The following CBX5 variants were observed in gnomAD, a reference collection of about 807,000 sequenced individuals.
The protein encoded by CBX5 is chromobox 5, also known as chromobox protein homolog 5.
CBX5 carries 7 observed loss-of-function variants against 20.7 expected under a neutral mutation model. The observed-to-expected ratio is 0.34, with a 90% CI of 0.19 to 0.63. The LOEUF is 0.63. CBX5 is among the 30% of genes least tolerant of loss of function. The pLI, the probability that CBX5 is intolerant of heterozygous loss-of-function variation, is 0.75. For missense variants in CBX5, 110 were observed against 224.1 expected (o/e 0.49, Z 3.25); for synonymous variants, 78 against 77.0 (o/e 1.01, Z -0.07).
At position 54,232,002 on chromosome 12, in the gene CBX5, T is replaced by C. The variant is rs951346880; in HGVS notation, c.*9753A>G. 18 of 152,064 alleles carry C rather than the reference T, an allele frequency of 1.2e-4. No homozygotes were observed. The highest frequency in any genetic ancestry group is 2.0e-4 in the Admixed American group (3 of 15,246). The allele number at this position is 152,064 out of a possible 1,614,324, so 9.4% of individuals were successfully genotyped here. The stretch of plus-strand genomic sequence containing the variant: ...TGACATAAATCAAAACCATTGAGGG[T>C]TGCTTTGATCCTGAGACAGTCTGAG... On this transcript the variant is annotated 3_prime_UTR_variant, in exon 5 of 5. Transcript: ENST00000209875.
At chr12:54,277,653 TTAA>T (rs1944083266) in intron 1 of CBX5, among the ~76,000 whole-genome samples, 1 of 152,174 alleles carries the variant, frequency 6.6e-6, no homozygotes. Flanking sequence ...GGTAAAAATT[TTAA>T]TAAAAATTTC....
chr12:54,270,069 T>C (rs879897626), intron 1 of CBX5, among the ~76,000 whole-genome samples: 14 of 152,240 alleles, frequency 9.2e-5, no homozygotes, highest in Admixed American at 2.6e-4. Context: ...ATTTTATTGA[T>C]CTTTTCAAAG....
At chr12:54,243,347 G>A (rs575370253) in intron 4 of CBX5, among the ~76,000 whole-genome samples, 2 of 151,536 alleles carry the variant, frequency 1.3e-5, no homozygotes, top group African/African-American at 4.8e-5. Context: ...AGGCCGAGGT[G>A]AGAAAAGCAC....
chr12:54,275,811 GC>G (rs965799542), intron 1 of CBX5, among the ~76,000 whole-genome samples: 2 of 151,790 alleles, frequency 1.3e-5, no homozygotes, highest in African/African-American at 4.8e-5. Flanking sequence ...TTTGAGGCCA[GC>G]CTAACCAACA....
At position 54,233,770 on chromosome 12, in the gene CBX5, C is replaced by T. The variant is rs1405222635; in HGVS notation, c.*7985G>A. 1 of 151,956 alleles carries T rather than the reference C, an allele frequency of 6.6e-6. No individual in the cohort carries two copies. Among genetic ancestry groups the T allele is most frequent in the Non-Finnish European group, 1.5e-5 (1 of 67,996 alleles). The allele number at this position is 151,956 out of a possible 1,614,324, so 9.4% of individuals were successfully genotyped here. ...ACACAGGGAGACTGTCTCTACAAAA[C>T]ATTTTTTAAATAATAAAATTAGCCA... On this transcript the variant is annotated 3_prime_UTR_variant, in exon 5 of 5. Transcript: ENST00000209875.
intron 2 of CBX5, chr12:54,256,042 G>A (rs1211471760): frequency 6.6e-6 from 1 of 152,126 alleles, no homozygotes; most frequent in Non-Finnish European, 1.5e-5. Context: ...GGGCATTTCT[G>A]AAAAAGGACC....
chr12:54,274,193 G>A (rs1337534977), intron 1 of CBX5: 1 of 152,234 alleles, frequency 6.6e-6, no homozygotes, highest in Non-Finnish European at 1.5e-5. Context: ...TCCAGCACAA[G>A]TGTAAAGCTG....
At chr12:54,252,334 G>C in intron 2 of CBX5, 107 bp from the exon 3 acceptor site, 1 of 607,180 alleles carries the variant, frequency 1.6e-6, no homozygotes, top group Non-Finnish European at 2.6e-6. Flanking sequence ...AAAGGACAGA[G>C]AAACCCTATG....
intron 3 of CBX5, 40 bp from the exon 4 acceptor site, chr12:54,246,255 A>G: frequency 6.9e-7 from 1 of 1,444,874 alleles, no homozygotes; most frequent in Non-Finnish European, 9.7e-7. Flanking sequence ...GCTTGTGGAA[A>G]GAGTAAAGAA....
At position 54,239,162 on chromosome 12, in the gene CBX5, C is replaced by T. The variant is rs776495552; in HGVS notation, c.*2593G>A. 1.3e-4 allele frequency: 20 copies of T among 151,980 alleles called. No homozygotes were observed. Among genetic ancestry groups the T allele is most frequent in the South Asian group, 4.2e-4 (2 of 4,818 alleles). 9.4% of individuals were successfully genotyped at this position (151,980 alleles called of 1,614,324 possible). On this transcript the variant is annotated 3_prime_UTR_variant, in exon 5 of 5. Transcript: ENST00000209875. Reference sequence around the variant, plus strand: ...TTTGGCGGCACTCAGTACAATAAACCGAAGACAAAAAAGACAGAGTAAAGT... The same window carrying T: ...TTTGGCGGCACTCAGTACAATAAACTGAAGACAAAAAAGACAGAGTAAAGT...
chr12:54,241,984 T>C (rs1267576240), intron 4 of CBX5, 79 bp from the exon 5 acceptor site: 5 of 1,363,168 alleles, frequency 3.7e-6, no homozygotes, highest in African/African-American at 1.5e-5. Context: ...TGTCATTATA[T>C]GGATTTAGTT....
chr12:54,262,877 A>G (rs1014876007), intron 1 of CBX5: 7 of 152,258 alleles, frequency 4.6e-5, no homozygotes, highest in African/African-American at 1.7e-4. Flanking sequence ...ACCATGACAG[A>G]GGAAAAGAAG....
In CBX5 at chr12:54,265,033, A is replaced by C. The variant is rs192109637; in HGVS notation, c.-42-7341T>G. Among the ~76,000 whole-genome samples, 7 of 152,304 alleles carry C rather than the reference A, an allele frequency of 4.6e-5. No homozygotes were observed. In the East Asian group the frequency reaches 1.4e-3, roughly 29 times the overall value. On this transcript the variant is annotated intron_variant, in intron 1 of 4. Transcript: ENST00000209875. ...CCTTTAGGAAGTAAGCCAGGGTTAA[A>C]GAGCAGAGGAGAGCGCATATGCAAA...
chr12:54,274,793 A>T (rs961399151), intron 1 of CBX5, among the ~76,000 whole-genome samples: 2 of 152,070 alleles, frequency 1.3e-5, no homozygotes, highest in African/African-American at 4.8e-5. Flanking sequence ...CAAAAAAATT[A>T]GCCAGGCATG....
intron 1 of CBX5, chr12:54,277,203 T>C (rs997244503): frequency 2.6e-5 from 4 of 151,716 alleles, no homozygotes; most frequent in African/African-American, 9.7e-5. Flanking sequence ...TGGCTAATTA[T>C]TGTGGGTTTT....
intron 4 of CBX5, among the ~76,000 whole-genome samples, chr12:54,245,530 G>A (rs1321521252): frequency 2.0e-5 from 3 of 151,954 alleles, no homozygotes; most frequent in East Asian, 1.9e-4. Context: ...AGTGGCTCAC[G>A]CCTGTAATCC....
intron 4 of CBX5, 38 bp from the exon 5 acceptor site, chr12:54,241,943 G>A: frequency 3.8e-6 from 6 of 1,593,494 alleles, no homozygotes; most frequent in Non-Finnish European, 4.3e-6. Context: ...AGGAGAGGAA[G>A]AGTGAAAGAA....
intron 1 of CBX5, among the ~76,000 whole-genome samples, chr12:54,263,927 C>G (rs1054649251): frequency 1.4e-4 from 21 of 151,954 alleles, no homozygotes; most frequent in Non-Finnish European, 2.5e-4. Flanking sequence ...CCTGTAGTCC[C>G]AGCTACTGGG....
intron 1 of CBX5, among the ~76,000 whole-genome samples, chr12:54,274,636 A>G (rs1240105111): frequency 6.6e-6 from 1 of 152,138 alleles, no homozygotes; most frequent in African/African-American, 2.4e-5. Context: ...AAATCATGCT[A>G]TGTGGTTAAA....
Sources: allele counts gnomAD v4.1 joint callset (sites outside exome capture counted in the v4.1 genomes callset), GRCh38; gene constraint gnomAD v4.1.1; transcripts MANE v1.5; gene names NCBI Gene and HGNC (gene_info 2026-07-23, HGNC 2026-07-21).